LPCAT2: variants seen among roughly 807,000 people sequenced by gnomAD.
LPCAT2 encodes 1-AGP acyltransferase 11.
LPCAT2 carries 58 observed loss-of-function variants against 64.7 expected under a neutral mutation model. The ratio of observed to expected loss-of-function variants is 0.90; its 90% CI spans 0.73 to 1.12. The LOEUF is 1.12. LPCAT2 is among the 50% of genes most tolerant of loss of function. The pLI, the probability that LPCAT2 is intolerant of heterozygous loss-of-function variation, is 0.00. For synonymous variants in LPCAT2, 252 were observed against 245.3 expected, an observed-to-expected ratio of 1.03 and a Z score of -0.26; for missense variants, 579 against 669.8, an observed-to-expected ratio of 0.86 and a Z score of 1.50.
chr16:55,533,526 T>C (rs529531267), intron 6 of LPCAT2, among the ~76,000 whole-genome samples: 1 of 151,304 alleles, frequency 6.6e-6, no homozygotes, highest in African/African-American at 2.4e-5. Context: ...TTCTCTCCTT[T>C]CTCAGCCTCC....
In LPCAT2 at chr16:55,579,298, A is replaced by G. The variant is rs570062263; in HGVS notation, c.1450+54A>G. On this transcript the variant is annotated intron_variant, in intron 13 of 13. Coordinates refer to ENST00000262134, the MANE Select transcript of LPCAT2 (RefSeq NM_017839.5). Reference sequence around the variant, plus strand: ...AGTTTACAAGGAGGACATCCAGACTATGGACTGATGCTCAAGAGTACTGTT... The same window carrying G: ...AGTTTACAAGGAGGACATCCAGACTGTGGACTGATGCTCAAGAGTACTGTT... 12 of 1,549,014 alleles carry G rather than the reference A, an allele frequency of 7.7e-6. No individual in the cohort carries two copies. In the East Asian group the frequency reaches 2.0e-4, roughly 26 times the overall value.
intron 13 of LPCAT2, among the ~76,000 whole-genome samples, chr16:55,581,912 G>T (rs1326137076): frequency 6.6e-6 from 1 of 152,082 alleles, no homozygotes; most frequent in Non-Finnish European, 1.5e-5. Flanking sequence ...GAGATAAAAA[G>T]AACTCCTCTA....
At chr16:55,523,853 G>A (rs982714127) in intron 1 of LPCAT2, among the ~76,000 whole-genome samples, 21 of 151,748 alleles carry the variant, frequency 1.4e-4, no homozygotes, top group Non-Finnish European at 2.5e-4. Flanking sequence ...ATAGGGGTAT[G>A]CATTTGAAAA....
chr16:55,563,217 T>C (rs1302618201), intron 11 of LPCAT2, among the ~76,000 whole-genome samples: 1 of 151,844 alleles, frequency 6.6e-6, no homozygotes, highest in East Asian at 1.9e-4. Context: ...CTAGCAAAGA[T>C]ATTGAATCAG....
intron 1 of LPCAT2, among the ~76,000 whole-genome samples, chr16:55,515,348 C>A (rs538901739): frequency 2.0e-5 from 3 of 151,532 alleles, no homozygotes; most frequent in Admixed American, 1.3e-4. Flanking sequence ...ATATTCAAAG[C>A]GCTGAAAGAA....
intron 1 of LPCAT2, among the ~76,000 whole-genome samples, chr16:55,521,454 T>C (rs747157952): frequency 1.3e-5 from 2 of 151,780 alleles, no homozygotes; most frequent in Non-Finnish European, 3.0e-5. Context: ...TAGAGAAGTG[T>C]GGAACAGTAC....
intron 4 of LPCAT2, among the ~76,000 whole-genome samples, chr16:55,530,711 G>A (rs1440417686): frequency 6.6e-6 from 1 of 152,098 alleles, no homozygotes; most frequent in African/African-American, 2.4e-5. Context: ...ATTAAAAAGA[G>A]GATTGAGAAT....
intron 11 of LPCAT2, among the ~76,000 whole-genome samples, chr16:55,565,185 A>G (rs964875681): frequency 5.2e-5 from 7 of 135,730 alleles, no homozygotes; most frequent in Non-Finnish European, 3.4e-5. Context: ...TATTATTAGA[A>G]AACAAAACAA....
At chr16:55,566,973 T>G in intron 11 of LPCAT2, 1 of 1,613,792 alleles carries the variant, frequency 6.2e-7, no homozygotes, top group Non-Finnish European at 8.5e-7. Context: ...TGTGGAGGCC[T>G]CAGAAAGTGA....
At chr16:55,526,236 A>G (rs1963168584) in intron 2 of LPCAT2, among the ~76,000 whole-genome samples, 2 of 152,296 alleles carry the variant, frequency 1.3e-5, no homozygotes, top group Middle Eastern at 3.4e-3. Context: ...TTAAGATGGT[A>G]ATAGAGGAGA....
chr16:55,561,186 A>C lies in LPCAT2; in HGVS notation c.1215+10084A>C, dbSNP rs139670160. Among the ~76,000 whole-genome samples, 169 of 151,928 alleles carry C rather than the reference A, an allele frequency of 1.1e-3. 1 individual carries two copies. Among genetic ancestry groups the C allele is most frequent in the African/African-American group, 3.8e-3 (159 of 41,466 alleles). On this transcript the variant is annotated intron_variant, in intron 11 of 13. Coordinates refer to ENST00000262134, the MANE Select transcript of LPCAT2 (RefSeq NM_017839.5). Reference sequence around the variant, plus strand: ...TGCCAAATTGTATTCTTTTATGTGGATATATCGTATTTTGCTTATCCATTT... The same window carrying C: ...TGCCAAATTGTATTCTTTTATGTGGCTATATCGTATTTTGCTTATCCATTT...
chr16:55,527,479 CAAAA>C (rs202093136), intron 2 of LPCAT2, among the ~76,000 whole-genome samples: 39 of 58,380 alleles, frequency 6.7e-4, no homozygotes, highest in African/African-American at 2.0e-3. Flanking sequence ...AACTCCATCT[CAAAA>C]AAAAAAAAAA....
In LPCAT2 at chr16:55,550,999, C is replaced by T. The variant is rs139462449; in HGVS notation, c.1112C>T (p.Ala371Val). 1.8e-5 allele frequency: 29 copies of T among 1,608,994 alleles called. No homozygotes were observed. The highest frequency in any genetic ancestry group is 2.2e-5 in the East Asian group (1 of 44,744). ...CATTTGGATGAATATGCATCTATTG[C>T]GAGTTCCTCAAAAGGAGGAAGAATT... ...RKHLDEYASIASSSKGGRIGI... is the reference protein window; with the variant it reads ...RKHLDEYASIVSSSKGGRIGI... The change falls in exon 11 of 14, where the codon GCG (alanine) becomes GTG (valine). Residue 371 changes from alanine (A) to valine (V), a missense_variant. By Grantham distance (64) the Ala-to-Val change is moderately conservative. Transcript: ENST00000262134.
intron 12 of LPCAT2, among the ~76,000 whole-genome samples, chr16:55,575,479 C>T (rs1963817178): frequency 6.6e-6 from 1 of 152,020 alleles, no homozygotes; most frequent in Admixed American, 6.6e-5. Flanking sequence ...AAAAGAGAAA[C>T]TTCATTTCTC....
intron 11 of LPCAT2, among the ~76,000 whole-genome samples, chr16:55,563,637 A>G (rs1477042902): frequency 1.3e-5 from 2 of 151,956 alleles, no homozygotes; most frequent in Admixed American, 6.6e-5. Flanking sequence ...CAGAAAATGC[A>G]TTTGACAAAA....
chr16:55,549,190 C>T lies in LPCAT2; in HGVS notation c.936-87C>T, dbSNP rs1055633426. On this transcript the variant is annotated intron_variant, in intron 9 of 13. Coordinates refer to ENST00000262134, the MANE Select transcript of LPCAT2 (RefSeq NM_017839.5). ...TAGTAAATACTTTTTCATTTGCTGT[C>T]GTTTGGAACCAGTTAAAGCCTAGTG... 13 of 1,066,822 alleles carry T rather than the reference C, an allele frequency of 1.2e-5. No individual in the cohort carries two copies. The East Asian group carries it at 2.0e-4, about 16-fold the overall frequency. 66.1% of individuals were successfully genotyped at this position (1,066,822 alleles called of 1,614,324 possible). A position where few individuals can be genotyped will look rare whatever the true frequency, so the allele number is the denominator to read the frequency against.
At chr16:55,541,916 A>T in intron 8 of LPCAT2, 1 of 1,283,110 alleles carries the variant, frequency 7.8e-7, no homozygotes, top group Non-Finnish European at 1.0e-6. Flanking sequence ...TTCTCTTCGA[A>T]GATTTAAAAG....
intron 7 of LPCAT2, among the ~76,000 whole-genome samples, chr16:55,536,803 C>A (rs1963329769): frequency 6.6e-6 from 1 of 152,142 alleles, no homozygotes. Flanking sequence ...TAAATATGTA[C>A]TGGAAAGCTA....
intron 1 of LPCAT2, among the ~76,000 whole-genome samples, chr16:55,512,955 T>C (rs758700273): frequency 3.9e-5 from 6 of 152,210 alleles, no homozygotes; most frequent in Non-Finnish European, 8.8e-5. Context: ...GTGAATGCAA[T>C]CAGCCAGAAT....
Sources: allele counts gnomAD v4.1 joint callset (sites outside exome capture counted in the v4.1 genomes callset), GRCh38; gene constraint gnomAD v4.1.1; transcripts MANE v1.5; gene names NCBI Gene and HGNC (gene_info 2026-07-23, HGNC 2026-07-21).